The following ATP10A variants were observed in gnomAD, a reference collection of about 807,000 sequenced individuals.
ATP10A encodes phospholipid-transporting ATPase VA.
A neutral mutation model predicts 147.8 loss-of-function variants in ATP10A; 111 were observed. The ratio of observed to expected loss-of-function variants is 0.75; its 90% CI spans 0.64 to 0.88. The LOEUF is 0.88. Among genes scored for constraint, ATP10A ranks in the 40% least tolerant of loss-of-function variants. ATP10A has a pLI of 0.00. For synonymous variants in ATP10A, 875 were observed against 841.6 expected (o/e 1.04, Z -0.69); for missense variants, 1,927 against 1,959.0 (o/e 0.98, Z 0.31).
intron 2 of ATP10A, among the ~76,000 whole-genome samples, chr15:25,763,952 G>C (rs552282686): frequency 8.5e-5 from 13 of 152,244 alleles, no homozygotes; most frequent in Non-Finnish European, 1.9e-4. Context: ...ACTATGTCAG[G>C]AAAGCAAGAT....
intron 1 of ATP10A, among the ~76,000 whole-genome samples, chr15:25,857,108 G>C (rs182490063): frequency 2.0e-5 from 3 of 152,296 alleles, no homozygotes; most frequent in Non-Finnish European, 2.9e-5. Context: ...TCCCATTTAT[G>C]AGATAAGTGG....
intron 2 of ATP10A, among the ~76,000 whole-genome samples, chr15:25,771,017 T>G (rs561797890): frequency 6.6e-6 from 1 of 152,116 alleles, no homozygotes; most frequent in Admixed American, 6.5e-5. Context: ...GGGTGTTAAG[T>G]GAAAATGCTG....
At chr15:25,796,234 T>C (rs1308300405) in intron 1 of ATP10A, among the ~76,000 whole-genome samples, 2 of 152,012 alleles carry the variant, frequency 1.3e-5, no homozygotes, top group East Asian at 3.9e-4. Context: ...TAGCCTGAGC[T>C]CTATAAAAAA....
chr15:25,768,275 C>A (rs768429785), intron 2 of ATP10A, among the ~76,000 whole-genome samples: 1 of 152,276 alleles, frequency 6.6e-6, no homozygotes, highest in African/African-American at 2.4e-5. Flanking sequence ...GGCCACTGCT[C>A]CTGTCACTGT....
At chr15:25,794,400 AT>A (rs1314678548) in intron 1 of ATP10A, among the ~76,000 whole-genome samples, 1 of 152,254 alleles carries the variant, frequency 6.6e-6, no homozygotes, top group Admixed American at 6.5e-5. Flanking sequence ...TCTCCAAAAA[AT>A]ATCACAATAT....
At chr15:25,786,317 G>A (rs879160930) in intron 1 of ATP10A, among the ~76,000 whole-genome samples, 4 of 152,286 alleles carry the variant, frequency 2.6e-5, no homozygotes, top group South Asian at 4.1e-4. Flanking sequence ...GAGTGAACAC[G>A]GCTGGAAGGA....
At chr15:25,822,419 T>C (rs1001195047) in intron 1 of ATP10A, among the ~76,000 whole-genome samples, 5 of 152,244 alleles carry the variant, frequency 3.3e-5, no homozygotes, top group African/African-American at 9.6e-5. Flanking sequence ...GTGAATTTTA[T>C]TGATCTGACC....
At chr15:25,678,416 T>A (rs1899186595), downstream of ATP10A, 1 of 152,044 alleles carries the variant, frequency 6.6e-6, no homozygotes, top group Non-Finnish European at 1.5e-5. Flanking sequence ...TGACATGCCA[T>A]ATCATTGCCT....
intron 3 of ATP10A, among the ~76,000 whole-genome samples, chr15:25,731,838 T>C (rs1886953876): frequency 1.3e-5 from 2 of 152,214 alleles, no homozygotes; most frequent in South Asian, 2.1e-4. Context: ...TGTTCACTCA[T>C]TTAAAGTTCA....
intron 2 of ATP10A, among the ~76,000 whole-genome samples, chr15:25,742,015 A>AAACCC (rs1265235669): frequency 2.6e-5 from 4 of 152,282 alleles, no homozygotes; most frequent in Non-Finnish European, 5.9e-5. Context: ...AATGAGCATG[A>AAACCC]AACCCATTTA....
chr15:25,755,755 A>G (rs1017763163), intron 2 of ATP10A, among the ~76,000 whole-genome samples: 13 of 152,086 alleles, frequency 8.5e-5, no homozygotes, highest in African/African-American at 1.7e-4. Context: ...AGTAGCCTCT[A>G]CCCCCTAAGT....
intron 1 of ATP10A, among the ~76,000 whole-genome samples, chr15:25,858,820 T>C (rs114949648): frequency 0.031 from 4,654 of 152,112 alleles, 220 homozygotes; most frequent in African/African-American, 0.11. Context: ...TACATCATCC[T>C]GGAGACAGAC....
Position 25,716,909 on chromosome 15 carries a change from G to C in ATP10A, c.1597C>G (p.Pro533Ala). The C allele has an allele frequency of 1.3e-6, 2 of 1,583,102 alleles. No individual in the cohort carries two copies. The highest frequency in any genetic ancestry group is 1.7e-6 in the Non-Finnish European group (2 of 1,161,984). Residue 533 changes from proline to alanine, a missense_variant, in exon 9 of 21, where the codon CCC becomes GCC. Physicochemically the swap from Pro to Ala is conservative, Grantham distance 27 (BLOSUM62 -1). Coordinates refer to ENST00000555815, the MANE Select transcript of ATP10A (RefSeq NM_024490.4). Reference sequence around the variant, plus strand: ...ACCTTCTCCAGCAGCTTTGGGTCGGGCGTGATATCCTTCTCCTGGGAGAAA... The same window carrying C: ...ACCTTCTCCAGCAGCTTTGGGTCGGCCGTGATATCCTTCTCCTGGGAGAAA... ...FSSPMEKDIT[P>A]DPKLLEKVSE...
chr15:25,860,349 C>T lies in ATP10A; in HGVS notation c.449+2299G>A, dbSNP rs1292680617. ...CTCGCCAGACATGGAGCCTGCATCC[C>T]GGGGCTGGGAGCCCCACCCAGGACT... On this transcript the variant is annotated intron_variant, in intron 1 of 20. Coordinates refer to ENST00000555815, the MANE Select transcript of ATP10A (RefSeq NM_024490.4). 2.6e-5 allele frequency among the ~76,000 whole-genome samples: 4 copies of T among 152,316 alleles called. No individual in the cohort carries two copies. In the South Asian group the frequency reaches 8.3e-4, roughly 32 times the overall value.
intron 1 of ATP10A, among the ~76,000 whole-genome samples, chr15:25,797,958 G>A (rs921276826): frequency 3.3e-5 from 5 of 152,188 alleles, no homozygotes; most frequent in African/African-American, 7.2e-5. Context: ...AGTTGTCCAA[G>A]GAGAGAGTTA....
At chr15:25,818,712 A>G (rs1468113873) in intron 1 of ATP10A, among the ~76,000 whole-genome samples, 4 of 152,210 alleles carry the variant, frequency 2.6e-5, no homozygotes, top group African/African-American at 7.2e-5. Context: ...TTATATGTGA[A>G]GCCTTTAGTA....
intron 1 of ATP10A, among the ~76,000 whole-genome samples, chr15:25,843,482 GA>G (rs1313624995): frequency 6.6e-6 from 1 of 152,066 alleles, no homozygotes; most frequent in African/African-American, 2.4e-5. Context: ...TCCCAAACCA[GA>G]GCCCAGACTT....
chr15:25,700,449 T>C (rs1379478648), intron 13 of ATP10A, among the ~76,000 whole-genome samples: 22 of 152,238 alleles, frequency 1.4e-4, no homozygotes, highest in Admixed American at 1.4e-3. Context: ...TCTTCACTGA[T>C]TGAATGGATA....
intron 1 of ATP10A, among the ~76,000 whole-genome samples, chr15:25,799,867 T>C (rs1470901660): frequency 6.6e-6 from 1 of 152,118 alleles, no homozygotes; most frequent in Non-Finnish European, 1.5e-5. Flanking sequence ...ATAAATTAGG[T>C]AAAAGTTCTG....
Sources: gnomAD v4.1 joint callset for allele counts (sites outside exome capture counted in the v4.1 genomes callset) on GRCh38, gnomAD v4.1.1 for gene constraint, MANE v1.5 for transcripts, NCBI Gene and HGNC (gene_info 2026-07-23, HGNC 2026-07-21) for gene names.